Variants in DPYSL2 observed in about 807,000 individuals in gnomAD.
DPYSL2 encodes dihydropyrimidinase like 2, also known as dihydropyrimidinase-related protein 2.
In DPYSL2, 13 loss-of-function variants were observed where a neutral mutation model predicts 69.9. The ratio of observed to expected loss-of-function variants is 0.19; its 90% CI spans 0.12 to 0.30. The LOEUF is 0.30. DPYSL2 is among the 10% of genes least tolerant of loss of function. The pLI, the probability that DPYSL2 is intolerant of heterozygous loss-of-function variation, is 1.00. For synonymous variants in DPYSL2, 326 were observed against 359.1 expected, an observed-to-expected ratio of 0.91 and a Z score of 1.04; for missense variants, 587 against 918.9, an observed-to-expected ratio of 0.64 and a Z score of 4.67.
chr8:26,542,425 A>T (rs1383032859), intron 1 of DPYSL2, among the ~76,000 whole-genome samples: 9 of 151,874 alleles, frequency 5.9e-5, no homozygotes, highest in East Asian at 1.9e-4. Context: ...ATATTAAAAA[A>T]ATTTTTTTTT....
At position 26,610,635 on chromosome 8, in the gene DPYSL2, A is replaced by G. The variant is rs374909087; in HGVS notation, c.629-13508A>G. 1.5e-4 allele frequency among the ~76,000 whole-genome samples: 23 copies of G among 151,996 alleles called. No individual in the cohort carries two copies. The highest frequency in any genetic ancestry group is 5.6e-4 in the African/African-American group (23 of 41,426). On this transcript the variant is annotated intron_variant, in intron 3 of 13. Coordinates refer to ENST00000521913, the MANE Select transcript of DPYSL2 (RefSeq NM_001197293.3). This position sits in a 1 kb window ranked among gnomAD's most constrained non-coding sequence, Gnocchi z 4.5. The stretch of plus-strand genomic sequence containing the variant: ...TTCCCACGCCCTGTTCCTCATTGGA[A>G]TCCTCTGTCCTAGCCTATCCCCCCT...
intron 8 of DPYSL2, 78 bp downstream of exon 8, chr8:26,634,978 C>T (rs1802875498): frequency 6.3e-7 from 1 of 1,577,914 alleles, no homozygotes; most frequent in Non-Finnish European, 8.6e-7. Context: ...AGGGAGGGCT[C>T]CTTTTCCAGA....
At chr8:26,583,578 G>A (rs1319927158) in intron 2 of DPYSL2, among the ~76,000 whole-genome samples, 1 of 152,040 alleles carries the variant, frequency 6.6e-6, no homozygotes, top group Non-Finnish European at 1.5e-5. Flanking sequence ...CTTTGAGTGG[G>A]GCCTCTGGTG....
chr8:26,538,743 G>A (rs1800635272), intron 1 of DPYSL2, among the ~76,000 whole-genome samples: 1 of 152,212 alleles, frequency 6.6e-6, no homozygotes, highest in Non-Finnish European at 1.5e-5. Context: ...TGGCTACTGT[G>A]CATGTTCCAT....
intron 7 of DPYSL2, among the ~76,000 whole-genome samples, chr8:26,634,314 G>A (rs1008279853): frequency 6.6e-6 from 1 of 151,770 alleles, no homozygotes; most frequent in Non-Finnish European, 1.5e-5. Context: ...GCCCAGGTTG[G>A]AGTATGGTGG....
At chr8:26,537,348 T>C (rs1472696073) in intron 1 of DPYSL2, among the ~76,000 whole-genome samples, 5 of 152,154 alleles carry the variant, frequency 3.3e-5, no homozygotes, top group Non-Finnish European at 7.3e-5. Flanking sequence ...GTTCAGGAGC[T>C]GCAGGATGAT....
chr8:26,628,885 G>A (rs756752327), intron 7 of DPYSL2, among the ~76,000 whole-genome samples: 1 of 152,192 alleles, frequency 6.6e-6, no homozygotes, highest in Non-Finnish European at 1.5e-5. Context: ...CCACCACCCT[G>A]AGTTTGGGAT....
intron 1 of DPYSL2, among the ~76,000 whole-genome samples, chr8:26,570,208 T>G (rs1285124667): frequency 1.3e-5 from 2 of 148,268 alleles, no homozygotes; most frequent in Non-Finnish European, 3.0e-5. Context: ...CATTTAAACC[T>G]TTATGTTCGT....
intron 1 of DPYSL2, among the ~76,000 whole-genome samples, chr8:26,552,003 G>A (rs150804899): frequency 1.5e-4 from 23 of 151,994 alleles, no homozygotes; most frequent in African/African-American, 4.8e-4. Flanking sequence ...TTATAGAGAC[G>A]CGGTCTGACT....
chr8:26,532,714 C>T (rs944476585), intron 1 of DPYSL2, among the ~76,000 whole-genome samples: 6 of 152,150 alleles, frequency 3.9e-5, no homozygotes, highest in African/African-American at 1.2e-4. Context: ...TGTTCCTTTT[C>T]GTGGTGAATG....
chr8:26,527,672 C>T (rs1440985729), intron 1 of DPYSL2, among the ~76,000 whole-genome samples: 1 of 151,898 alleles, frequency 6.6e-6, no homozygotes, highest in Non-Finnish European at 1.5e-5. Context: ...AAAAAATTAT[C>T]ACAATATTAT....
intron 1 of DPYSL2, among the ~76,000 whole-genome samples, chr8:26,572,966 A>T (rs562566671): frequency 1.3e-5 from 2 of 152,134 alleles, no homozygotes; most frequent in African/African-American, 4.8e-5. Flanking sequence ...TAATGGGAGG[A>T]TGGAGTAAAG....
At chr8:26,525,031 T>A (rs1329924103) in intron 1 of DPYSL2, among the ~76,000 whole-genome samples, 1 of 152,096 alleles carries the variant, frequency 6.6e-6, no homozygotes, top group Non-Finnish European at 1.5e-5. Flanking sequence ...TGCTACATAT[T>A]TTTTCTTAGT....
chr8:26,522,841 A>G (rs1364026746), intron 1 of DPYSL2, among the ~76,000 whole-genome samples: 1 of 152,082 alleles, frequency 6.6e-6, no homozygotes, highest in African/African-American at 2.4e-5. Flanking sequence ...TTAAATTTTG[A>G]TGAAATCCAA....
chr8:26,522,456 C>T (rs753040846), intron 1 of DPYSL2, among the ~76,000 whole-genome samples: 13 of 152,354 alleles, frequency 8.5e-5, no homozygotes, highest in African/African-American at 1.7e-4. Context: ...TACCATTTTG[C>T]GTTGCCACCA....
chr8:26,626,645 T>C lies in DPYSL2; in HGVS notation c.822T>C (p.Ala274=). The change falls in exon 5 of 14, where the codon GCT becomes GCC. Residue 274 remains alanine (A), a synonymous_variant. Transcript: ENST00000521913. The surrounding 1 kb of genome is among the most constrained non-coding windows in gnomAD (Gnocchi z 4.3). Reference sequence around the variant, plus strand: ...TAAATTCCTTCCTCGTGTACATGGCTTTCAAAGATCGCTTCCAGCTAACGG... The same window carrying C: ...TAAATTCCTTCCTCGTGTACATGGCCTTCAAAGATCGCTTCCAGCTAACGG... ...HGVNSFLVYM[A]FKDRFQLTDC... is the part of the protein sequence containing the mutation. 6.2e-7 allele frequency: 1 copy of C among 1,614,216 alleles called. No homozygotes were observed. The highest frequency in any genetic ancestry group is 8.5e-7 in the Non-Finnish European group (1 of 1,180,040).
intron 1 of DPYSL2, among the ~76,000 whole-genome samples, chr8:26,529,059 A>C (rs1250463137): frequency 2.0e-5 from 3 of 152,094 alleles, no homozygotes; most frequent in South Asian, 2.1e-4. Context: ...TCATTTTACT[A>C]TCTCTAGGAA....
chr8:26,538,709 T>C (rs921578637), intron 1 of DPYSL2, among the ~76,000 whole-genome samples: 4 of 152,236 alleles, frequency 2.6e-5, no homozygotes, highest in African/African-American at 9.6e-5. Context: ...CACAATCACG[T>C]GCATGCTCCA....
At chr8:26,595,144 GC>G (rs1801830512) in intron 3 of DPYSL2, among the ~76,000 whole-genome samples, 2 of 151,040 alleles carry the variant, frequency 1.3e-5, no homozygotes, top group African/African-American at 4.9e-5. Context: ...GATTGCTTGA[GC>G]CCCAGAGTTT....
Sources: allele counts gnomAD v4.1 joint callset (sites outside exome capture counted in the v4.1 genomes callset), GRCh38; gene constraint gnomAD v4.1.1; non-coding constraint Gnocchi (gnomAD v3.1); transcripts MANE v1.5; gene names NCBI Gene and HGNC (gene_info 2026-07-23, HGNC 2026-07-21).